The following NXPH1 variants were observed in gnomAD, a reference collection of about 807,000 sequenced individuals.
NXPH1 encodes neurexophilin 1.
NXPH1 carries 5 observed loss-of-function variants against 23.7 expected under a neutral mutation model. The ratio of observed to expected loss-of-function variants is 0.21; its 90% CI spans 0.11 to 0.44. The LOEUF is 0.44. Ranked by LOEUF, NXPH1 falls within the 20% of genes least tolerant of loss-of-function variation. The probability of loss-of-function intolerance (pLI) is 0.99; values close to 1 mark genes in which losing one functional copy is unlikely to be tolerated. For synonymous variants in NXPH1, 144 were observed against 122.2 expected (o/e 1.18, Z -1.18); for missense variants, 324 against 321.6 (o/e 1.01, Z -0.06).
chr7:8,742,555 C>CAT, intron 2 of NXPH1, among the ~76,000 whole-genome samples: 1 of 139,858 alleles, frequency 7.2e-6, no homozygotes, highest in Non-Finnish European at 1.6e-5. Context: ...AGATGTGTCT[C>CAT]TGAGATATTT....
intron 2 of NXPH1, among the ~76,000 whole-genome samples, chr7:8,717,387 A>G (rs1779894709): frequency 6.6e-6 from 1 of 152,332 alleles, no homozygotes; most frequent in Non-Finnish European, 1.5e-5. Flanking sequence ...AAAAACTCCA[A>G]CAAATTGACT....
intron 2 of NXPH1, among the ~76,000 whole-genome samples, chr7:8,732,209 G>A (rs1424832914): frequency 6.6e-6 from 1 of 152,194 alleles, no homozygotes; most frequent in African/African-American, 2.4e-5. Context: ...CTCGTGCATG[G>A]TGCGCGCACC....
At chr7:8,621,957 G>T (rs1819884607) in intron 2 of NXPH1, among the ~76,000 whole-genome samples, 1 of 152,146 alleles carries the variant, frequency 6.6e-6, no homozygotes, top group African/African-American at 2.4e-5. Flanking sequence ...AATTCCATCT[G>T]TCTAAGATGA....
chr7:8,464,289 C>A (rs376694478), intron 2 of NXPH1, among the ~76,000 whole-genome samples: 1 of 152,136 alleles, frequency 6.6e-6, no homozygotes, highest in African/African-American at 2.4e-5. Context: ...TGACCACTTG[C>A]CACTTCCATC....
intron 2 of NXPH1, among the ~76,000 whole-genome samples, chr7:8,525,457 G>C (rs1311301449): frequency 6.6e-6 from 1 of 152,210 alleles, no homozygotes; most frequent in Non-Finnish European, 1.5e-5. Flanking sequence ...GCTGGCTGCA[G>C]AAATTTGCCT....
At chr7:8,628,984 T>A (rs1269508440) in intron 2 of NXPH1, among the ~76,000 whole-genome samples, 1 of 151,056 alleles carries the variant, frequency 6.6e-6, no homozygotes, top group Admixed American at 6.7e-5. Flanking sequence ...TTGGCAAAAT[T>A]TAAGATAAAT....
intron 2 of NXPH1, among the ~76,000 whole-genome samples, chr7:8,621,261 G>A (rs1007454524): frequency 3.9e-5 from 6 of 152,122 alleles, no homozygotes; most frequent in African/African-American, 1.4e-4. Flanking sequence ...TTGGGCAGGT[G>A]ACCAGGAAGA....
chr7:8,633,759 C>A (rs540161219), intron 2 of NXPH1, among the ~76,000 whole-genome samples: 60 of 152,280 alleles, frequency 3.9e-4, no homozygotes, highest in African/African-American at 1.3e-3. Flanking sequence ...GAGCTGACAA[C>A]AATGCATGTT....
chr7:8,502,680 A>G (rs973712587), intron 2 of NXPH1, among the ~76,000 whole-genome samples: 1 of 151,770 alleles, frequency 6.6e-6, no homozygotes, highest in Non-Finnish European at 1.5e-5. Context: ...TAGAGCTTTC[A>G]AGGAAGAAAT....
At chr7:8,623,577 G>T (rs1819921685) in intron 2 of NXPH1, among the ~76,000 whole-genome samples, 1 of 145,404 alleles carries the variant, frequency 6.9e-6, no homozygotes, top group African/African-American at 2.7e-5. Context: ...AAAGCTGGGG[G>T]ACTAGCAGAG....
intron 2 of NXPH1, among the ~76,000 whole-genome samples, chr7:8,715,536 C>G (rs573931112): frequency 6.6e-6 from 1 of 152,234 alleles, no homozygotes; most frequent in African/African-American, 2.4e-5. Context: ...GAACTCTTGG[C>G]TCTTGAATTT....
chr7:8,587,560 C>G (rs56933465), intron 2 of NXPH1, among the ~76,000 whole-genome samples: 1 of 152,016 alleles, frequency 6.6e-6, no homozygotes, highest in African/African-American at 2.4e-5. Context: ...TAGGCATACA[C>G]GTGTCATGGT....
chr7:8,629,921 G>T (rs1284365837), intron 2 of NXPH1, among the ~76,000 whole-genome samples: 1 of 152,114 alleles, frequency 6.6e-6, no homozygotes, highest in African/African-American at 2.4e-5. Context: ...GTGAGAATTA[G>T]ATATTCTTGG....
At chr7:8,747,000 A>G (rs1453850121) in intron 2 of NXPH1, among the ~76,000 whole-genome samples, 1 of 152,174 alleles carries the variant, frequency 6.6e-6, no homozygotes, top group East Asian at 1.9e-4. Flanking sequence ...TTCAGAGGTA[A>G]AAATATCTGG....
chr7:8,745,719 A>ATTTTTTTT (rs56019801), intron 2 of NXPH1, among the ~76,000 whole-genome samples: 75 of 111,804 alleles, frequency 6.7e-4, no homozygotes, highest in African/African-American at 1.5e-3. Flanking sequence ...CGCCCAGCTA[A>ATTTTTTTT]TTTTTTTTTT....
intron 2 of NXPH1, among the ~76,000 whole-genome samples, chr7:8,621,641 C>T (rs1819874831): frequency 6.6e-6 from 1 of 152,006 alleles, no homozygotes; most frequent in Non-Finnish European, 1.5e-5. Context: ...GCGTCTGGCA[C>T]CACGCCGGCT....
chr7:8,723,430 T>A (rs866405723), intron 2 of NXPH1, among the ~76,000 whole-genome samples: 8 of 152,358 alleles, frequency 5.3e-5, no homozygotes, highest in Middle Eastern at 3.4e-3. Flanking sequence ...GTTTTGCTAA[T>A]GTTTGTCAAG....
intron 2 of NXPH1, among the ~76,000 whole-genome samples, chr7:8,543,144 T>C (rs1204859190): frequency 6.6e-6 from 1 of 151,610 alleles, no homozygotes; most frequent in Non-Finnish European, 1.5e-5. Flanking sequence ...TCATTCATTA[T>C]TTCTGCTCAA....
In NXPH1 at chr7:8,560,340, G is replaced by A. The variant is rs1252760773; in HGVS notation, c.54+124573G>A. Among the ~76,000 whole-genome samples the A allele has an allele frequency of 1.3e-5, 2 of 151,692 alleles. 1 individual carries two copies. Among genetic ancestry groups the A allele is most frequent in the South Asian group, 4.1e-4 (2 of 4,830 alleles). ...CTGTTGACATTTGAAAACCAGAGTA[G>A]CTGAACATGGATTTTCTAAAGAACA... On this transcript the variant is annotated intron_variant, in intron 2 of 2. Coordinates refer to ENST00000405863, the MANE Select transcript of NXPH1 (RefSeq NM_152745.3).
Sources: gnomAD v4.1 joint callset for allele counts (sites outside exome capture counted in the v4.1 genomes callset) on GRCh38, gnomAD v4.1.1 for gene constraint, MANE v1.5 for transcripts, NCBI Gene and HGNC (gene_info 2026-07-23, HGNC 2026-07-21) for gene names.